The following PRKCH variants were observed in gnomAD, a reference collection of about 807,000 sequenced individuals.
The protein encoded by PRKCH is protein kinase C eta.
PRKCH carries 28 observed loss-of-function variants against 82.5 expected under a neutral mutation model. The ratio of observed to expected loss-of-function variants is 0.34; its 90% CI spans 0.25 to 0.47. PRKCH has a LOEUF of 0.47. PRKCH is among the 20% of genes least tolerant of loss of function. PRKCH has a pLI of 1.00. For synonymous variants in PRKCH, 322 were observed against 327.4 expected (o/e 0.98, Z 0.18); for missense variants, 705 against 881.8 (o/e 0.80, Z 2.54).
chr14:61,349,741 A>G (rs2046045870), intron 1 of PRKCH, among the ~76,000 whole-genome samples: 1 of 152,134 alleles, frequency 6.6e-6, no homozygotes, highest in Non-Finnish European at 1.5e-5. Flanking sequence ...TACACCTGTA[A>G]TCCCAGCTAC....
At chr14:61,460,374 T>TG (rs1037096283) in intron 9 of PRKCH, among the ~76,000 whole-genome samples, 11 of 152,244 alleles carry the variant, frequency 7.2e-5, no homozygotes, top group Non-Finnish European at 1.6e-4. Context: ...GTGCTTATGC[T>TG]GGTGTTTCTG....
intron 1 of PRKCH, among the ~76,000 whole-genome samples, chr14:61,309,957 G>C (rs1248099118): frequency 1.3e-5 from 2 of 151,718 alleles, no homozygotes; most frequent in Non-Finnish European, 2.9e-5. Context: ...AGTGCAAAAG[G>C]GAAAGAACCC....
chr14:61,465,519 T>TA (rs1885216735), intron 9 of PRKCH, among the ~76,000 whole-genome samples: 1 of 152,208 alleles, frequency 6.6e-6, no homozygotes, highest in Non-Finnish European at 1.5e-5. Context: ...TCTTTGTTGA[T>TA]AATTAATTGA....
At chr14:61,353,494 A>T (rs2046109015) in intron 1 of PRKCH, 1 of 152,362 alleles carries the variant, frequency 6.6e-6, no homozygotes, top group South Asian at 2.1e-4. Context: ...TGTAGGTGAT[A>T]GTATTGGGAA....
At chr14:61,233,869 C>CT (rs1195009679) in intron 1 of PRKCH, among the ~76,000 whole-genome samples, 1 of 152,110 alleles carries the variant, frequency 6.6e-6, no homozygotes, top group African/African-American at 2.4e-5. Context: ...TCAGGTATGT[C>CT]TTTTTTAGCA....
intron 1 of PRKCH, among the ~76,000 whole-genome samples, chr14:61,260,288 C>A (rs1461790707): frequency 1.3e-5 from 2 of 152,170 alleles, no homozygotes; most frequent in African/African-American, 4.8e-5. Context: ...TGAAACTACT[C>A]TCCTAAGAAA....
chr14:61,204,774 AAAAAG>A (rs1464114027), intron 1 of PRKCH, among the ~76,000 whole-genome samples: 2 of 151,124 alleles, frequency 1.3e-5, no homozygotes, highest in African/African-American at 2.4e-5. Context: ...AAAAAAAAAA[AAAAAG>A]AAAAGAAATA....
chr14:61,444,571 C>T (rs1884126192), intron 3 of PRKCH, among the ~76,000 whole-genome samples: 1 of 151,520 alleles, frequency 6.6e-6, no homozygotes, highest in Non-Finnish European at 1.5e-5. Context: ...CTGTACCCAA[C>T]CAGCCTTTAA....
chr14:61,443,930 G>A (rs1258038479), intron 3 of PRKCH, among the ~76,000 whole-genome samples: 3 of 152,170 alleles, frequency 2.0e-5, no homozygotes, highest in Non-Finnish European at 4.4e-5. Context: ...GGAAAGGGAA[G>A]AAAGAAAGAT....
chr14:61,497,585 T>C (rs1377284551), intron 10 of PRKCH, among the ~76,000 whole-genome samples: 1 of 152,190 alleles, frequency 6.6e-6, no homozygotes, highest in African/African-American at 2.4e-5. Context: ...CCAAATACTA[T>C]ATGGAACATT....
Position 61,188,574 on chromosome 14 carries a change from A to AGTGT in PRKCH, c.-19+917_-19+920dup, listed in dbSNP as rs376746171. Among the ~76,000 whole-genome samples, 237 of 55,900 alleles carry AGTGT rather than the reference A, an allele frequency of 4.2e-3. 33 individuals carry two copies. The highest frequency in any genetic ancestry group is 0.015 in the African/African-American group (223 of 14,872). 36.7% of individuals were successfully genotyped at this position (55,900 alleles called of 152,430 possible). On this transcript the variant is annotated intron_variant, in intron 1 of 3. Coordinates refer to the PRKCH transcript ENST00000555185. ...CCTCCTCACCCCCAGACGTTGCTGT[A>AGTGT]GTGTGTGTGTGTGTCGGGGGGGTGG...
intron 9 of PRKCH, among the ~76,000 whole-genome samples, chr14:61,477,015 T>G (rs1288191893): frequency 1.3e-5 from 2 of 152,242 alleles, no homozygotes; most frequent in African/African-American, 4.8e-5. Context: ...CTGTGACCTC[T>G]TTGACGTCAG....
intron 1 of PRKCH, among the ~76,000 whole-genome samples, chr14:61,202,789 G>T (rs77701175): frequency 0.013 from 1,982 of 152,016 alleles, 36 homozygotes; most frequent in African/African-American, 0.045. Flanking sequence ...TTATCCTCAC[G>T]CCCTCCTCCC....
chr14:61,351,916 A>G (rs1192046033), intron 1 of PRKCH, among the ~76,000 whole-genome samples: 1 of 152,160 alleles, frequency 6.6e-6, no homozygotes, highest in African/African-American at 2.4e-5. Flanking sequence ...GGCTAGGTGA[A>G]CAGACTTTTA....
chr14:61,303,392 A>AT (rs1366026103), intron 1 of PRKCH: 2 of 152,102 alleles, frequency 1.3e-5, no homozygotes, highest in Non-Finnish European at 2.9e-5. Flanking sequence ...AAACATTTAT[A>AT]TTTTTTATGT....
chr14:61,255,871 C>G (rs942769243), intron 1 of PRKCH, among the ~76,000 whole-genome samples: 1 of 151,976 alleles, frequency 6.6e-6, no homozygotes, highest in Non-Finnish European at 1.5e-5. Context: ...ACATATATAC[C>G]CTTTCAAAGT....
In PRKCH at chr14:61,518,441, A is replaced by C. The variant is rs2042857718; in HGVS notation, c.1434-10634A>C. On this transcript the variant is annotated intron_variant, in intron 10 of 13. Coordinates refer to ENST00000332981, the MANE Select transcript of PRKCH (RefSeq NM_006255.5). ...TGATAGGGGATGTGGAATGCAAAAA[A>C]AAAAAAGAAAAAGAAAAAGAAAAAA... is the stretch of plus-strand genomic sequence containing the variant. Among the ~76,000 whole-genome samples, 4 of 151,966 alleles carry C rather than the reference A, an allele frequency of 2.6e-5. No individual in the cohort carries two copies. In the South Asian group the frequency reaches 8.3e-4, roughly 32 times the overall value.
chr14:61,388,530 G>A (rs1411713741), intron 1 of PRKCH, among the ~76,000 whole-genome samples: 3 of 152,194 alleles, frequency 2.0e-5, no homozygotes, highest in Non-Finnish European at 2.9e-5. Flanking sequence ...TGGCGGAGGC[G>A]GCCAGGCAGC....
chr14:61,526,173 G>A (rs542000190), intron 10 of PRKCH, among the ~76,000 whole-genome samples: 10 of 152,296 alleles, frequency 6.6e-5, no homozygotes, highest in African/African-American at 2.4e-4. Flanking sequence ...TTATGTGGTG[G>A]GGCCAGGGGA....
Sources: gnomAD v4.1 joint callset for allele counts (sites outside exome capture counted in the v4.1 genomes callset) on GRCh38, gnomAD v4.1.1 for gene constraint, MANE v1.5 for transcripts, NCBI Gene and HGNC (gene_info 2026-07-23, HGNC 2026-07-21) for gene names.